LAMA2: variants seen among roughly 807,000 people sequenced by gnomAD.
The protein encoded by LAMA2 is laminin subunit alpha 2, also known as laminin subunit alpha-2.
LAMA2 carries 269 observed loss-of-function variants against 364.8 expected under a neutral mutation model. The observed-to-expected ratio is 0.74, with a 90% CI of 0.67 to 0.82. The LOEUF (loss-of-function observed/expected upper bound fraction) is 0.82. Ranked by LOEUF, LAMA2 falls within the 40% of genes least tolerant of loss-of-function variation. LAMA2 has a pLI of 0.00. For missense variants in LAMA2, 3,807 were observed against 3,873.2 expected (o/e 0.98, Z 0.45); for synonymous variants, 1,379 against 1,370.6 (o/e 1.01, Z -0.14).
At chr6:129,060,412 C>T (rs1424300634) in intron 3 of LAMA2, among the ~76,000 whole-genome samples, 1 of 152,146 alleles carries the variant, frequency 6.6e-6, no homozygotes, top group South Asian at 2.1e-4. Context: ...AAATTGATGC[C>T]GGAAGTTGTT....
intron 18 of LAMA2, among the ~76,000 whole-genome samples, chr6:129,284,123 G>T (rs902369): frequency 1 from 151,572 of 152,248 alleles, 75,455 homozygotes; most frequent in Middle Eastern, 1. Flanking sequence ...AAGGCACCAT[G>T]TGAGCAGGGA....
At chr6:129,378,400 A>G (rs1778493840) in intron 34 of LAMA2, among the ~76,000 whole-genome samples, 1 of 152,220 alleles carries the variant, frequency 6.6e-6, no homozygotes, top group Non-Finnish European at 1.5e-5. Context: ...ACTATCTATC[A>G]CCACTACCCA....
chr6:129,393,247 G>A lies in LAMA2; in HGVS notation c.5437G>A (p.Ala1813Thr), dbSNP rs1779422284. Residue 1813 changes from alanine to threonine, a missense_variant, in exon 37 of 65, where the codon GCA (alanine) becomes ACA (threonine). Transcript: ENST00000421865. ...LFAVNQKNMT[A>T]LEKKKEAVES... is the part of the protein sequence containing the mutation. Reference sequence around the variant, plus strand: ...TGCAGTAAATCAGAAAAACATGACTGCATTGGAGGTGAGTCTTAGGGGCAC... The same window carrying A: ...TGCAGTAAATCAGAAAAACATGACTACATTGGAGGTGAGTCTTAGGGGCAC... 1.2e-6 allele frequency: 2 copies of A among 1,612,658 alleles called. No individual in the cohort carries two copies. Among genetic ancestry groups the A allele is most frequent in the Non-Finnish European group, 1.7e-6 (2 of 1,178,736 alleles).
At chr6:129,427,212 T>C (rs1233376921) in intron 40 of LAMA2, among the ~76,000 whole-genome samples, 2 of 152,222 alleles carry the variant, frequency 1.3e-5, no homozygotes, top group African/African-American at 2.4e-5. Context: ...CGCTTTAAGA[T>C]GCATTTTTTA....
chr6:129,069,019 T>G (rs1348669095), intron 3 of LAMA2, among the ~76,000 whole-genome samples: 2 of 152,130 alleles, frequency 1.3e-5, no homozygotes, highest in Non-Finnish European at 2.9e-5. Flanking sequence ...GTAAACATTT[T>G]GGAGACCCAG....
chr6:129,140,574 G>A (rs1336539276), intron 4 of LAMA2, among the ~76,000 whole-genome samples: 1 of 151,974 alleles, frequency 6.6e-6, no homozygotes, highest in African/African-American at 2.4e-5. Flanking sequence ...GGTGGTCTTG[G>A]GGATGGATAC....
chr6:129,137,589 TATG>T (rs948502839), intron 4 of LAMA2, among the ~76,000 whole-genome samples: 4 of 152,098 alleles, frequency 2.6e-5, no homozygotes, highest in Non-Finnish European at 2.9e-5. Context: ...TACTAGAATT[TATG>T]ATGAACAGTC....
intron 3 of LAMA2, among the ~76,000 whole-genome samples, chr6:129,081,311 G>C (rs1297258835): frequency 6.6e-6 from 1 of 151,998 alleles, no homozygotes; most frequent in Non-Finnish European, 1.5e-5. Context: ...GTTAATGGAT[G>C]CAGCACACCA....
intron 62 of LAMA2, among the ~76,000 whole-genome samples, chr6:129,507,949 T>G (rs1786237803): frequency 6.6e-6 from 1 of 151,834 alleles, no homozygotes; most frequent in Admixed American, 6.6e-5. Context: ...TACTATGTTG[T>G]TTTTCTACCT....
intron 29 of LAMA2, among the ~76,000 whole-genome samples, chr6:129,330,196 T>C (rs908322236): frequency 4.6e-5 from 7 of 151,926 alleles, no homozygotes; most frequent in African/African-American, 1.7e-4. Context: ...ATAGTAATAA[T>C]AATAATAGAT....
intron 8 of LAMA2, chr6:129,158,356 C>A: frequency 6.2e-7 from 1 of 1,614,022 alleles, no homozygotes; most frequent in Non-Finnish European, 8.5e-7. Context: ...GCCACTCTTT[C>A]GCCATGCCAT....
chr6:129,395,722 A>AC (rs1779578142), intron 37 of LAMA2, among the ~76,000 whole-genome samples: 1 of 152,158 alleles, frequency 6.6e-6, no homozygotes, highest in Admixed American at 6.5e-5. Flanking sequence ...AGTCTAAGTC[A>AC]CCCCTGAGTT....
At chr6:129,207,695 CA>C (rs145212782) in intron 12 of LAMA2, among the ~76,000 whole-genome samples, 14,164 of 151,630 alleles carry the variant, frequency 0.093, 928 homozygotes, top group African/African-American at 0.18. Context: ...GAATTAGGAG[CA>C]AAAGGGTTAT....
chr6:129,465,727 G>T (rs1257786116), intron 51 of LAMA2, among the ~76,000 whole-genome samples: 1 of 151,842 alleles, frequency 6.6e-6, no homozygotes, highest in Non-Finnish European at 1.5e-5. Context: ...GTAAATAATT[G>T]ATCAATAGTA....
chr6:128,899,653 T>A (rs1278003811), intron 1 of LAMA2, among the ~76,000 whole-genome samples: 1 of 152,198 alleles, frequency 6.6e-6, no homozygotes, highest in African/African-American at 2.4e-5. Context: ...GTATAAGACA[T>A]AAATTTCTAC....
At chr6:129,312,566 G>GA (rs2114493086) in intron 22 of LAMA2, among the ~76,000 whole-genome samples, 1 of 152,228 alleles carries the variant, frequency 6.6e-6, no homozygotes, top group South Asian at 2.1e-4. Flanking sequence ...AAAGCAGTTG[G>GA]AAAAAACCCA....
In LAMA2 at chr6:129,314,726, T is replaced by G; in HGVS notation, c.3483T>G (p.Leu1161=). 1 of 1,613,980 alleles carries G rather than the reference T, an allele frequency of 6.2e-7. No individual in the cohort carries two copies. The highest frequency in any genetic ancestry group is 8.5e-7 in the Non-Finnish European group (1 of 1,180,028). ...GKFGLDAKNP[L]GCSSCYCFGT... The stretch of plus-strand genomic sequence containing the variant: ...TCGGACTCGATGCCAAGAATCCACT[T>G]GGCTGCAGCAGCTGCTATTGCTTCG... Residue 1161 remains leucine, a synonymous_variant, in exon 24 of 65, where the codon CTT becomes CTG. Coordinates refer to ENST00000421865, the MANE Select transcript of LAMA2 (RefSeq NM_000426.4).
chr6:128,985,406 A>T (rs1323834373), intron 1 of LAMA2, among the ~76,000 whole-genome samples: 1 of 152,144 alleles, frequency 6.6e-6, no homozygotes, highest in Admixed American at 6.6e-5. Flanking sequence ...AATAGAGATG[A>T]AAACATTGAA....
chr6:129,206,054 A>G (rs1782623815), intron 12 of LAMA2, among the ~76,000 whole-genome samples: 1 of 114,466 alleles, frequency 8.7e-6, no homozygotes, highest in Non-Finnish European at 1.8e-5. Flanking sequence ...AAAAAAAGGA[A>G]GGGAAGGGAA....
Sources: allele counts gnomAD v4.1 joint callset (sites outside exome capture counted in the v4.1 genomes callset), GRCh38; gene constraint gnomAD v4.1.1; transcripts MANE v1.5; gene names NCBI Gene and HGNC (gene_info 2026-07-23, HGNC 2026-07-21).